PDE4D: variants seen among roughly 807,000 people sequenced by gnomAD.
PDE4D encodes the protein 3',5'-cyclic-AMP phosphodiesterase 4D.
A neutral mutation model predicts 87.4 loss-of-function variants in PDE4D; 24 were observed. That is an observed-to-expected ratio of 0.27 (90% CI 0.20 to 0.39). The LOEUF (loss-of-function observed/expected upper bound fraction) is 0.39, where lower values mean the gene tolerates loss of function less well. Among genes scored for constraint, PDE4D ranks in the 10% least tolerant of loss-of-function variants. PDE4D has a pLI of 1.00. For synonymous variants in PDE4D, 384 were observed against 383.2 expected, an observed-to-expected ratio of 1.00 and a Z score of -0.02; for missense variants, 714 against 1,041.0, an observed-to-expected ratio of 0.69 and a Z score of 4.32.
At chr5:59,481,966 T>A (rs896325953) in intron 1 of PDE4D, among the ~76,000 whole-genome samples, 1 of 152,126 alleles carries the variant, frequency 6.6e-6, no homozygotes. Flanking sequence ...CCTTCCCCAC[T>A]GCAGTCTGAA....
intron 2 of PDE4D, among the ~76,000 whole-genome samples, chr5:60,026,856 A>C (rs1766682459): frequency 6.6e-6 from 1 of 152,110 alleles, no homozygotes; most frequent in African/African-American, 2.4e-5. Context: ...CTTCAATTTC[A>C]TTCTGCTTCA....
rs539287684 is a variant in PDE4D at position 60,049,269 on chromosome 5, C to A, written c.43-60552G>T. Among the ~76,000 whole-genome samples, 1,304 of 152,252 alleles carry A rather than the reference C, an allele frequency of 8.6e-3. 8 individuals carry two copies. Among genetic ancestry groups the A allele is most frequent in the Non-Finnish European group, 0.015 (997 of 68,012 alleles). On this transcript the variant is annotated intron_variant, in intron 2 of 16. Coordinates refer to the PDE4D transcript ENST00000502484. ...GGTTATTCTAGTTATACATTCTTCT[C>A]AATTTTTTTCAAAGTTTTCAACTTC...
At chr5:59,437,005 A>T (rs1400018081) in intron 1 of PDE4D, among the ~76,000 whole-genome samples, 1 of 152,212 alleles carries the variant, frequency 6.6e-6, no homozygotes, top group African/African-American at 2.4e-5. Context: ...GTGCCATTTA[A>T]CAGGTACCGG....
intron 1 of PDE4D, among the ~76,000 whole-genome samples, chr5:59,672,996 T>C (rs927428181): frequency 6.6e-6 from 1 of 152,190 alleles, no homozygotes; most frequent in African/African-American, 2.4e-5. Context: ...TGAAAAGATA[T>C]CCTTTGAGTC....
chr5:59,338,810 T>C (rs1283457183), intron 1 of PDE4D, among the ~76,000 whole-genome samples: 9 of 152,166 alleles, frequency 5.9e-5, no homozygotes, highest in African/African-American at 2.2e-4. Context: ...CCTACAAAAA[T>C]TTCCCACTGC....
chr5:59,001,525 C>T (rs1439267627), intron 6 of PDE4D, among the ~76,000 whole-genome samples: 1 of 152,196 alleles, frequency 6.6e-6, no homozygotes, highest in African/African-American at 2.4e-5. Flanking sequence ...CTCCAACATT[C>T]CACTAAAGCT....
At chr5:60,147,226 A>C (rs1306513175) in intron 2 of PDE4D, among the ~76,000 whole-genome samples, 2 of 152,234 alleles carry the variant, frequency 1.3e-5, no homozygotes, top group Non-Finnish European at 2.9e-5. Context: ...AATACAAGAA[A>C]GGTTTCCCAG....
chr5:59,500,868 T>C (rs1808179821), intron 1 of PDE4D, among the ~76,000 whole-genome samples: 1 of 152,182 alleles, frequency 6.6e-6, no homozygotes, highest in Non-Finnish European at 1.5e-5. Context: ...TTATTTCTTC[T>C]TTTTTTCTCC....
intron 2 of PDE4D, chr5:59,193,756 C>G: frequency 1.0e-6 from 1 of 985,366 alleles, no homozygotes; most frequent in Non-Finnish European, 1.2e-6. Context: ...AGAGGGGCTT[C>G]TTGATCATCA....
chr5:59,624,055 T>C (rs1051340236), intron 1 of PDE4D, among the ~76,000 whole-genome samples: 3 of 152,216 alleles, frequency 2.0e-5, no homozygotes, highest in Non-Finnish European at 4.4e-5. Flanking sequence ...AGCCCCGTTG[T>C]GTTGAGAGGA....
At chr5:60,333,799 C>G (rs1757506880) in intron 1 of PDE4D, among the ~76,000 whole-genome samples, 1 of 152,118 alleles carries the variant, frequency 6.6e-6, no homozygotes, top group Admixed American at 6.6e-5. Flanking sequence ...ACAAATCTCA[C>G]CCATTTCCAC....
chr5:60,228,721 A>C (rs1200014369), intron 1 of PDE4D, among the ~76,000 whole-genome samples: 1 of 152,024 alleles, frequency 6.6e-6, no homozygotes, highest in African/African-American at 2.4e-5. Context: ...TACCAAAAAA[A>C]ACAAAAAACA....
chr5:59,331,224 C>G (rs1271324460), intron 1 of PDE4D, among the ~76,000 whole-genome samples: 4 of 152,158 alleles, frequency 2.6e-5, no homozygotes. Flanking sequence ...CAAAATACCA[C>G]AGACTTAGGT....
chr5:59,790,710 A>G (rs899535626), intron 1 of PDE4D, among the ~76,000 whole-genome samples: 18 of 151,734 alleles, frequency 1.2e-4, no homozygotes, highest in African/African-American at 4.4e-4. Context: ...CTCCTCTTCA[A>G]TGCTTTCTGT....
intron 2 of PDE4D, among the ~76,000 whole-genome samples, chr5:60,156,265 C>A (rs1781969554): frequency 6.6e-6 from 1 of 152,156 alleles, no homozygotes; most frequent in African/African-American, 2.4e-5. Context: ...TTAGTCTGTG[C>A]CCAAGCTCAC....
chr5:60,403,293 T>C (rs928041035), intron 1 of PDE4D, among the ~76,000 whole-genome samples: 5 of 152,212 alleles, frequency 3.3e-5, no homozygotes, highest in African/African-American at 1.2e-4. Flanking sequence ...AATTTCAAAA[T>C]AGCAGCCAGA....
intron 1 of PDE4D, among the ~76,000 whole-genome samples, chr5:59,752,744 C>T (rs1299498559): frequency 6.6e-6 from 1 of 152,172 alleles, no homozygotes; most frequent in Non-Finnish European, 1.5e-5. Flanking sequence ...AAGCATCATT[C>T]TGGCCCAGTC....
At chr5:60,486,469 G>C (rs528805967) in intron 1 of PDE4D, among the ~76,000 whole-genome samples, 1 of 152,146 alleles carries the variant, frequency 6.6e-6, no homozygotes, top group African/African-American at 2.4e-5. Flanking sequence ...AGGAGTCTAC[G>C]TTGGCTACTT....
At chr5:60,240,298 A>G (rs1746940498) in intron 1 of PDE4D, among the ~76,000 whole-genome samples, 1 of 152,004 alleles carries the variant, frequency 6.6e-6, no homozygotes, top group Non-Finnish European at 1.5e-5. Flanking sequence ...TGTAACAACT[A>G]TCTAGGCAAA....
Sources: allele counts gnomAD v4.1 joint callset (sites outside exome capture counted in the v4.1 genomes callset), GRCh38; gene constraint gnomAD v4.1.1; transcripts MANE v1.5; gene names NCBI Gene and HGNC (gene_info 2026-07-23, HGNC 2026-07-21).